GLIS3: variants seen among roughly 807,000 people sequenced by gnomAD.
GLIS3 encodes the protein zinc finger protein GLIS3.
A neutral mutation model predicts 78.6 loss-of-function variants in GLIS3; 53 were observed. That is an observed-to-expected ratio of 0.67 (90% confidence interval 0.54 to 0.85). The LOEUF (loss-of-function observed/expected upper bound fraction) is 0.85. GLIS3 is among the 40% of genes least tolerant of loss of function. GLIS3 has a pLI of 0.00. For synonymous variants in GLIS3, 684 were observed against 509.9 expected (o/e 1.34, Z -4.60); for missense variants, 1,703 against 1,231.1 (o/e 1.38, Z -5.74).
At chr9:3,875,498 A>C (rs1821252724) in intron 8 of GLIS3, 2 of 152,220 alleles carry the variant, frequency 1.3e-5, no homozygotes, top group South Asian at 4.1e-4. Context: ...AAAAGATGCC[A>C]GTTTCCCACT....
intron 4 of GLIS3, among the ~76,000 whole-genome samples, chr9:4,073,755 C>T (rs2130651603): frequency 6.6e-6 from 1 of 152,308 alleles, no homozygotes; most frequent in East Asian, 1.9e-4. Context: ...GCCTCAGTTT[C>T]TTCATCTCTC....
rs549836510 is a variant in GLIS3, at chr9:4,275,729, C to G, written c.388+10309G>C. 3.3e-5 allele frequency among the ~76,000 whole-genome samples: 5 copies of G among 152,224 alleles called. 1 individual carries two copies. In the East Asian group the frequency reaches 9.6e-4, roughly 29 times the overall value. On this transcript the variant is annotated intron_variant, in intron 2 of 10. Coordinates refer to ENST00000381971, the MANE Select transcript of GLIS3 (RefSeq NM_001042413.2). ...AGTGAGCTATGATCGTGCTACTGCA[C>G]TCTGGCCTGGGGGACAGAGCAAGAC...
At chr9:4,230,576 T>C (rs151126962) in intron 2 of GLIS3, among the ~76,000 whole-genome samples, 14 of 152,132 alleles carry the variant, frequency 9.2e-5, no homozygotes, top group Admixed American at 1.3e-4. Flanking sequence ...AGGAAAAGAA[T>C]TGAGTCAGGT....
chr9:4,289,117 T>G (rs1828241412), intron 1 of GLIS3, among the ~76,000 whole-genome samples: 1 of 152,180 alleles, frequency 6.6e-6, no homozygotes, highest in African/African-American at 2.4e-5. Context: ...AGAGTGTGAA[T>G]GAAATGGCAC....
chr9:4,402,136 C>T, the GLIS3 span, among the ~76,000 whole-genome samples: 2 of 152,130 alleles, frequency 1.3e-5, no homozygotes. Context: ...CACCACAGTC[C>T]CAGTGGTGGT....
chr9:4,232,606 A>G (rs1195773598), intron 2 of GLIS3, among the ~76,000 whole-genome samples: 1 of 152,132 alleles, frequency 6.6e-6, no homozygotes, highest in Non-Finnish European at 1.5e-5. Context: ...TATAAAAGAA[A>G]TTTCCTAAAC....
chr9:4,254,934 G>C (rs935766696), intron 2 of GLIS3, among the ~76,000 whole-genome samples: 13 of 151,870 alleles, frequency 8.6e-5, no homozygotes, highest in African/African-American at 3.1e-4. Context: ...GAAAATATTT[G>C]CAAAACATTT....
intron 4 of GLIS3, among the ~76,000 whole-genome samples, chr9:3,974,020 TG>T (rs1818578128): frequency 6.6e-6 from 1 of 152,200 alleles, no homozygotes; most frequent in African/African-American, 2.4e-5. Context: ...TTATGATTCC[TG>T]TAAGTGCGAA....
chr9:3,989,861 TAC>T (rs149272300), intron 4 of GLIS3, among the ~76,000 whole-genome samples: 6 of 150,818 alleles, frequency 4.0e-5, no homozygotes, highest in African/African-American at 4.9e-5. Context: ...GTATAGAACT[TAC>T]ACACACACAC....
At chr9:4,123,482 T>G (rs1389240975) in intron 3 of GLIS3, among the ~76,000 whole-genome samples, 1 of 152,152 alleles carries the variant, frequency 6.6e-6, no homozygotes, top group African/African-American at 2.4e-5. Flanking sequence ...AAAGCATTAT[T>G]TATAATTTTT....
At chr9:4,235,340 G>C (rs903382220) in intron 2 of GLIS3, among the ~76,000 whole-genome samples, 43 of 150,892 alleles carry the variant, frequency 2.8e-4, no homozygotes, top group Non-Finnish European at 1.6e-4. Flanking sequence ...TCATTGAGTG[G>C]GTAAAGTTGG....
intron 2 of GLIS3, among the ~76,000 whole-genome samples, chr9:4,338,708 T>G (rs1173394767): frequency 6.6e-6 from 1 of 152,110 alleles, no homozygotes; most frequent in Admixed American, 6.5e-5. Context: ...TGGAGATTGG[T>G]TCCTGTAGCC....
chr9:3,841,573 G>A (rs2130076662), intron 9 of GLIS3, among the ~76,000 whole-genome samples: 1 of 152,324 alleles, frequency 6.6e-6, no homozygotes, highest in South Asian at 2.1e-4. Context: ...TCCATCACCT[G>A]CCAACTACTC....
At chr9:4,168,162 T>A (rs572225143) in intron 2 of GLIS3, among the ~76,000 whole-genome samples, 1 of 152,146 alleles carries the variant, frequency 6.6e-6, no homozygotes, top group Admixed American at 6.6e-5. Flanking sequence ...TTATCTTCTC[T>A]CTCTTCTCTC....
intron 2 of GLIS3, among the ~76,000 whole-genome samples, chr9:4,190,261 G>C (rs906537123): frequency 9.2e-5 from 14 of 152,152 alleles, no homozygotes; most frequent in African/African-American, 2.9e-4. Context: ...TCAAACCAAA[G>C]GCAAAGAAGT....
At chr9:3,924,997 C>CTT (rs1825126307) in intron 6 of GLIS3, among the ~76,000 whole-genome samples, 5 of 152,146 alleles carry the variant, frequency 3.3e-5, no homozygotes, top group Admixed American at 2.0e-4. Flanking sequence ...CTCATTAAAA[C>CTT]ACCTGTCAGA....
At chr9:4,419,261 A>C in the GLIS3 span, among the ~76,000 whole-genome samples, 4 of 152,192 alleles carry the variant, frequency 2.6e-5, no homozygotes, top group Non-Finnish European at 4.4e-5. Flanking sequence ...TTTTGAACAA[A>C]AAGCACGAGC....
At chr9:4,145,685 C>G (rs1015859389) in intron 2 of GLIS3, among the ~76,000 whole-genome samples, 3 of 151,906 alleles carry the variant, frequency 2.0e-5, no homozygotes, top group Non-Finnish European at 4.4e-5. Flanking sequence ...TCTCAAACTT[C>G]CCTCTCTTTC....
chr9:4,483,359 T>C, the GLIS3 span, among the ~76,000 whole-genome samples: 1 of 152,206 alleles, frequency 6.6e-6, no homozygotes, highest in East Asian at 1.9e-4. Flanking sequence ...TTAAAGACCT[T>C]GCACAAAATA....
Sources: allele counts gnomAD v4.1 joint callset (sites outside exome capture counted in the v4.1 genomes callset), GRCh38; gene constraint gnomAD v4.1.1; transcripts MANE v1.5; gene names NCBI Gene and HGNC (gene_info 2026-07-23, HGNC 2026-07-21).